Variants in DPP10 observed in about 807,000 individuals in gnomAD.
DPP10 encodes the protein dipeptidyl peptidase like 10, also known as inactive dipeptidyl peptidase 10.
A neutral mutation model predicts 120.9 loss-of-function variants in DPP10; 33 were observed. The observed-to-expected ratio is 0.27, with a 90% CI of 0.21 to 0.37. The LOEUF is 0.37. DPP10 is among the 10% of genes least tolerant of loss of function. The probability of loss-of-function intolerance (pLI) is 1.00; values close to 1 mark genes in which losing one functional copy is unlikely to be tolerated. For synonymous variants in DPP10, 337 were observed against 326.1 expected, an observed-to-expected ratio of 1.03 and a Z score of -0.36; for missense variants, 816 against 942.8, an observed-to-expected ratio of 0.87 and a Z score of 1.76.
chr2:115,388,462 G>A (rs2067105442), intron 3 of DPP10, among the ~76,000 whole-genome samples: 1 of 152,192 alleles, frequency 6.6e-6, no homozygotes, highest in Non-Finnish European at 1.5e-5. Flanking sequence ...ATTATAGTAA[G>A]TCAGGTGAGA....
chr2:115,526,737 G>A (rs1249808050), intron 5 of DPP10, among the ~76,000 whole-genome samples: 2 of 152,098 alleles, frequency 1.3e-5, no homozygotes, highest in Non-Finnish European at 2.9e-5. Context: ...AAGGCAGGAA[G>A]CCTCATATAA....
At chr2:115,240,447 G>T (rs558184380) in intron 1 of DPP10, among the ~76,000 whole-genome samples, 13 of 152,210 alleles carry the variant, frequency 8.5e-5, no homozygotes, top group Admixed American at 6.5e-4. Context: ...TTTTGATGGG[G>T]TTGTTTGTTT....
chr2:115,685,388 T>C (rs569344250), intron 5 of DPP10, among the ~76,000 whole-genome samples: 2 of 152,100 alleles, frequency 1.3e-5, no homozygotes, highest in South Asian at 4.1e-4. Context: ...TATGAACTTA[T>C]AATATGCAGT....
intron 1 of DPP10, among the ~76,000 whole-genome samples, chr2:114,723,898 G>A (rs1442750612): frequency 6.6e-6 from 1 of 152,042 alleles, no homozygotes; most frequent in Non-Finnish European, 1.5e-5. Context: ...TTGAATGTTG[G>A]AAGTCACAGA....
At chr2:114,925,619 A>T (rs576696737) in intron 1 of DPP10, among the ~76,000 whole-genome samples, 1 of 152,328 alleles carries the variant, frequency 6.6e-6, no homozygotes, top group South Asian at 2.1e-4. Context: ...AACATGCAAC[A>T]TTTTAAACCA....
chr2:115,647,925 G>A (rs952446506), intron 5 of DPP10, among the ~76,000 whole-genome samples: 38 of 152,272 alleles, frequency 2.5e-4, no homozygotes, highest in African/African-American at 6.7e-4. Flanking sequence ...TACGTTCATC[G>A]TGAATTTTGG....
chr2:114,608,346 A>G (rs1260894762), intron 1 of DPP10, among the ~76,000 whole-genome samples: 1 of 152,212 alleles, frequency 6.6e-6, no homozygotes, highest in African/African-American at 2.4e-5. Context: ...AAATGAACAA[A>G]TAATTAAAAA....
intron 1 of DPP10, among the ~76,000 whole-genome samples, chr2:114,444,973 A>T (rs1292012164): frequency 6.6e-6 from 1 of 152,194 alleles, no homozygotes; most frequent in Non-Finnish European, 1.5e-5. Context: ...GTGCTCAATT[A>T]TGAAACATTT....
chr2:114,803,062 C>T (rs1192978745), intron 1 of DPP10, among the ~76,000 whole-genome samples: 1 of 152,114 alleles, frequency 6.6e-6, no homozygotes, highest in Non-Finnish European at 1.5e-5. Flanking sequence ...GAGGGACTCA[C>T]GGGGAGGTAC....
intron 1 of DPP10, among the ~76,000 whole-genome samples, chr2:114,558,889 A>G (rs918541555): frequency 2.0e-5 from 3 of 152,200 alleles, no homozygotes; most frequent in African/African-American, 7.2e-5. Context: ...GGTATCCATG[A>G]GTGATTCCAA....
chr2:115,585,429 T>A (rs2082228653), intron 5 of DPP10, among the ~76,000 whole-genome samples: 1 of 152,222 alleles, frequency 6.6e-6, no homozygotes, highest in African/African-American at 2.4e-5. Flanking sequence ...AGTCAATTTA[T>A]CAAGGTTACT....
intron 1 of DPP10, among the ~76,000 whole-genome samples, chr2:114,754,734 G>A (rs1679572956): frequency 1.3e-5 from 2 of 151,270 alleles, no homozygotes; most frequent in African/African-American, 4.9e-5. Context: ...TGTGGAAATG[G>A]CATTTCTAAG....
chr2:115,628,048 G>T (rs2085509361), intron 5 of DPP10, among the ~76,000 whole-genome samples: 1 of 152,006 alleles, frequency 6.6e-6, no homozygotes, highest in Non-Finnish European at 1.5e-5. Context: ...TGCCATTTCT[G>T]GTTCTAGAAA....
intron 1 of DPP10, among the ~76,000 whole-genome samples, chr2:114,651,514 A>T (rs1553476622): frequency 6.6e-6 from 1 of 152,096 alleles, no homozygotes; most frequent in Non-Finnish European, 1.5e-5. Flanking sequence ...GGAGCCCAAG[A>T]ATTTGCATTT....
At chr2:115,047,027 C>T (rs1705119432) in intron 1 of DPP10, among the ~76,000 whole-genome samples, 2 of 151,866 alleles carry the variant, frequency 1.3e-5, no homozygotes, top group Admixed American at 1.3e-4. Context: ...GGTCAGATAC[C>T]ACAATTGAAG....
chr2:114,473,099 T>A (rs886749543), intron 1 of DPP10, among the ~76,000 whole-genome samples: 1 of 152,188 alleles, frequency 6.6e-6, no homozygotes, highest in African/African-American at 2.4e-5. Context: ...TTATTATCAT[T>A]TTTTTTCTCC....
intron 13 of DPP10, among the ~76,000 whole-genome samples, chr2:115,774,031 G>A (rs1283534336): frequency 6.6e-6 from 1 of 151,912 alleles, no homozygotes; most frequent in Non-Finnish European, 1.5e-5. Flanking sequence ...TGTTATTAAG[G>A]CTTCCAACAA....
At chr2:115,396,062 C>T (rs1227863131) in intron 3 of DPP10, among the ~76,000 whole-genome samples, 1 of 152,088 alleles carries the variant, frequency 6.6e-6, no homozygotes, top group Non-Finnish European at 1.5e-5. Context: ...ACCCTCTAGA[C>T]TGCTCAAGTT....
intron 5 of DPP10, among the ~76,000 whole-genome samples, chr2:115,530,005 A>G (rs989769900): frequency 6.6e-6 from 1 of 152,172 alleles, no homozygotes; most frequent in Non-Finnish European, 1.5e-5. Flanking sequence ...TTTTAAAAAT[A>G]TAATTAACAA....
Sources: allele counts gnomAD v4.1 joint callset (sites outside exome capture counted in the v4.1 genomes callset), GRCh38; gene constraint gnomAD v4.1.1; transcripts MANE v1.5; gene names NCBI Gene and HGNC (gene_info 2026-07-23, HGNC 2026-07-21).